Variants in ZNF451 observed in about 807,000 individuals in gnomAD.
ZNF451 encodes the protein zinc finger protein 451.
ZNF451 carries 80 observed loss-of-function variants against 107.1 expected under a neutral mutation model. The ratio of observed to expected loss-of-function variants is 0.75; its 90% CI spans 0.62 to 0.90. The LOEUF is 0.90. Ranked by LOEUF, ZNF451 falls within the 40% of genes least tolerant of loss-of-function variation. The probability of loss-of-function intolerance (pLI) is 0.00; values close to 1 mark genes in which losing one functional copy is unlikely to be tolerated. For missense variants in ZNF451, 1,107 were observed against 1,236.2 expected (o/e 0.90, Z 1.57); for synonymous variants, 362 against 406.5 (o/e 0.89, Z 1.32).
intron 8 of ZNF451, 50 bp from the exon 9 acceptor site, chr6:57,141,898 T>TA (rs1460571257): frequency 2.0e-6 from 3 of 1,536,418 alleles, no homozygotes; most frequent in Non-Finnish European, 2.7e-6. Context: ...AAGGTTGGGT[T>TA]ACTCTGTACT....
intron 12 of ZNF451, 65 bp from the exon 13 acceptor site, chr6:57,153,796 A>C: frequency 6.6e-7 from 1 of 1,510,102 alleles, no homozygotes; most frequent in Non-Finnish European, 9.2e-7. Context: ...ATTCTGAAAT[A>C]GATGTAACTT....
At chr6:57,106,058 T>C in intron 3 of ZNF451, 2 of 985,230 alleles carry the variant, frequency 2.0e-6, no homozygotes, top group Non-Finnish European at 2.4e-6. Flanking sequence ...GAGTGCTACC[T>C]AAGTGACCTG....
chr6:57,124,597 A>G, intron 3 of ZNF451, 137 bp from the exon 4 acceptor site: 2 of 737,796 alleles, frequency 2.7e-6, no homozygotes, highest in South Asian at 3.3e-5. Flanking sequence ...AATACCACAT[A>G]AAACCTACAA....
chr6:57,150,586 G>C, intron 10 of ZNF451, 133 bp from the exon 11 acceptor site: 1 of 824,958 alleles, frequency 1.2e-6, no homozygotes. Flanking sequence ...TTCACAAAAA[G>C]GTTTAGATAG....
At chr6:57,138,731 A>ATG (rs1298715865) in intron 7 of ZNF451, among the ~76,000 whole-genome samples, 50 of 113,224 alleles carry the variant, frequency 4.4e-4, no homozygotes, top group East Asian at 7.0e-4. Flanking sequence ...ATATATATAT[A>ATG]TATATATATA....
intron 14 of ZNF451, among the ~76,000 whole-genome samples, chr6:57,162,622 G>A (rs919829779): frequency 2.0e-5 from 3 of 152,146 alleles, no homozygotes; most frequent in Non-Finnish European, 2.9e-5. Context: ...TGTTTATCAA[G>A]GCCACTAAAA....
At chr6:57,138,777 A>C (rs183726859) in intron 7 of ZNF451, among the ~76,000 whole-genome samples, 1 of 79,170 alleles carries the variant, frequency 1.3e-5, no homozygotes, top group Non-Finnish European at 2.4e-5. Flanking sequence ...GTGTGTGTGT[A>C]TATATATATA....
intron 7 of ZNF451, among the ~76,000 whole-genome samples, chr6:57,140,020 C>G (rs1339175330): frequency 6.6e-6 from 1 of 151,656 alleles, no homozygotes; most frequent in Non-Finnish European, 1.5e-5. Flanking sequence ...GAGCTCGTGT[C>G]TCAAAAATAA....
intron 3 of ZNF451, chr6:57,109,404 C>T: frequency 2.0e-6 from 2 of 985,364 alleles, no homozygotes; most frequent in Non-Finnish European, 1.2e-6. Context: ...CCTTGACCCT[C>T]AGCATTAGCA....
intron 12 of ZNF451, 36 bp from the exon 13 acceptor site, chr6:57,153,825 A>AT (rs763619943): frequency 1.2e-6 from 2 of 1,607,294 alleles, no homozygotes; most frequent in Non-Finnish European, 1.7e-6. Flanking sequence ...ACTCATGCTG[A>AT]TTTTTTATCA....
At chr6:57,142,426 A>G (rs1391143608) in intron 9 of ZNF451, among the ~76,000 whole-genome samples, 3 of 152,226 alleles carry the variant, frequency 2.0e-5, no homozygotes, top group Non-Finnish European at 4.4e-5. Flanking sequence ...ATACATTTGA[A>G]AGATTAAATC....
At chr6:57,155,818 CT>C (rs528621372) in intron 13 of ZNF451, among the ~76,000 whole-genome samples, 14,013 of 107,252 alleles carry the variant, frequency 0.13, 821 homozygotes, top group African/African-American at 0.2. Flanking sequence ...TCTAGGTATT[CT>C]TTTTTTTTTT....
rs765805154 is a variant in ZNF451, at chr6:57,142,040, T to C, written c.949T>C (p.Cys317Arg). ...LCKDVPFQVK[C>R]VACHKTLRSH... ...CAAAGATGTTCCCTTTCAAGTTAAG[T>C]GTGTGGCCTGCCACAAGACACTGCG... The change falls in exon 9 of 15, where the codon TGT becomes CGT. Residue 317 changes from cysteine (C) to arginine (R), a missense_variant. Cys to Arg is a radical substitution (Grantham distance 180). Around this residue, in one of 5 missense-constraint regions of ZNF451, gnomAD observed 339 missense variants for 372.8 expected, o/e 0.91. Coordinates refer to ENST00000370706, the MANE Select transcript of ZNF451 (RefSeq NM_001031623.3). 3 of 1,613,952 alleles carry C rather than the reference T, an allele frequency of 1.9e-6. No individual in the cohort carries two copies. Among genetic ancestry groups the C allele is most frequent in the Non-Finnish European group, 2.5e-6 (3 of 1,179,950 alleles).
intron 7 of ZNF451, among the ~76,000 whole-genome samples, chr6:57,138,152 G>T (rs534804755): frequency 6.6e-6 from 1 of 152,196 alleles, no homozygotes; most frequent in Admixed American, 6.5e-5. Flanking sequence ...TTTTTTTGAA[G>T]AAGTGCCAAA....
At chr6:57,158,936 A>C in intron 13 of ZNF451, 1 of 985,452 alleles carries the variant, frequency 1.0e-6, no homozygotes, top group Non-Finnish European at 1.2e-6. Context: ...TATAGAGCAT[A>C]AACATTCACC....
chr6:57,138,202 G>A (rs1831530968), intron 7 of ZNF451, among the ~76,000 whole-genome samples: 1 of 151,314 alleles, frequency 6.6e-6, no homozygotes, highest in Non-Finnish European at 1.5e-5. Context: ...TTTCCCGCCA[G>A]CAATGTTTGT....
In ZNF451 at chr6:57,148,422, G is replaced by A. The variant is rs1209359925; in HGVS notation, c.2337G>A (p.Lys779=). Residue 779 remains lysine, a synonymous_variant, in exon 10 of 15, where the codon AAG becomes AAA. Coordinates refer to ENST00000370706, the MANE Select transcript of ZNF451 (RefSeq NM_001031623.3). The part of the protein sequence containing the change: ...NTHIHQVHKE[K]SDEEEQQYVI... Reference sequence around the variant, plus strand: ...ATATCCATCAAGTGCACAAAGAAAAGAGTGATGAGGAGGAGCAGCAGTATG... The same window carrying A: ...ATATCCATCAAGTGCACAAAGAAAAAAGTGATGAGGAGGAGCAGCAGTATG... 6.2e-7 allele frequency: 1 copy of A among 1,613,772 alleles called. No individual in the cohort carries two copies. Among genetic ancestry groups the A allele is most frequent in the Non-Finnish European group, 8.5e-7 (1 of 1,179,912 alleles).
chr6:57,120,800 G>C (rs913450983), intron 3 of ZNF451, among the ~76,000 whole-genome samples: 4 of 152,148 alleles, frequency 2.6e-5, no homozygotes, highest in African/African-American at 9.7e-5. Context: ...TCCTTTATCA[G>C]ATGTGTCTTT....
chr6:57,133,927 C>T (rs1277991264), intron 6 of ZNF451, among the ~76,000 whole-genome samples: 1 of 152,194 alleles, frequency 6.6e-6, no homozygotes, highest in Non-Finnish European at 1.5e-5. Flanking sequence ...CTGCCCACCT[C>T]AGCCTACCAA....
Sources: gnomAD v4.1 joint callset for allele counts (sites outside exome capture counted in the v4.1 genomes callset) on GRCh38, gnomAD v4.1.1 for gene constraint, gnomAD v4.1.1 regional missense constraint, MANE v1.5 for transcripts, NCBI Gene and HGNC (gene_info 2026-07-23, HGNC 2026-07-21) for gene names.